RANBP2: variants seen among roughly 807,000 people sequenced by gnomAD.
RANBP2 encodes RAN binding protein 2.
A neutral mutation model predicts 303.6 loss-of-function variants in RANBP2; 57 were observed. That is an observed-to-expected ratio of 0.19 (90% CI 0.15 to 0.23). The LOEUF is 0.23. Ranked by LOEUF, RANBP2 falls within the 10% of genes least tolerant of loss-of-function variation. The pLI is 1.00. For missense variants in RANBP2, 3,138 were observed against 3,780.8 expected (o/e 0.83, Z 4.46); for synonymous variants, 1,167 against 1,301.5 (o/e 0.90, Z 2.23).
the RANBP2 span, among the ~76,000 whole-genome samples, chr2:109,689,518 A>G: frequency 6.6e-6 from 1 of 152,192 alleles, no homozygotes; most frequent in Non-Finnish European, 1.5e-5. Context: ...CAGGCATAGA[A>G]GAGCAGAGAG....
At chr2:108,923,967 T>A in the RANBP2 span, among the ~76,000 whole-genome samples, 5,312 of 152,324 alleles carry the variant, frequency 0.035, 312 homozygotes, top group African/African-American at 0.12. Context: ...AGAGTGCAGC[T>A]GCAGGAGACA....
chr2:109,735,433 A>G, the RANBP2 span, among the ~76,000 whole-genome samples: 2 of 152,252 alleles, frequency 1.3e-5, no homozygotes, highest in Admixed American at 6.5e-5. Flanking sequence ...TTGATATCAT[A>G]TCTTGGCCAT....
At chr2:108,819,541 A>C in the RANBP2 span, among the ~76,000 whole-genome samples, 118 of 152,308 alleles carry the variant, frequency 7.7e-4, no homozygotes, top group Non-Finnish European at 1.1e-3. Flanking sequence ...TCTGAGGGAC[A>C]CAGCGATTAT....
intron 24 of RANBP2, among the ~76,000 whole-genome samples, chr2:108,776,414 CAT>C (rs1223578821): frequency 2.0e-5 from 3 of 152,078 alleles, no homozygotes; most frequent in African/African-American, 4.8e-5. Context: ...GTTACAGTAA[CAT>C]ATTTGGTATT....
chr2:109,614,144 G>A, the RANBP2 span: 25 of 1,200,384 alleles, frequency 2.1e-5, no homozygotes, highest in South Asian at 8.6e-5. Flanking sequence ...CCAGGAAGAC[G>A]GCGCGAGGAA....
the RANBP2 span, among the ~76,000 whole-genome samples, chr2:109,316,504 T>C: frequency 4.6e-5 from 7 of 152,340 alleles, no homozygotes; most frequent in South Asian, 4.1e-4. Context: ...AGAGAACTTA[T>C]CACTCCTCTT....
At chr2:108,826,857 G>C in the RANBP2 span, among the ~76,000 whole-genome samples, 5 of 152,282 alleles carry the variant, frequency 3.3e-5, no homozygotes, top group South Asian at 1.0e-3. Flanking sequence ...TAACAACATT[G>C]TCTGCTAATC....
At chr2:109,658,669 G>A in the RANBP2 span, among the ~76,000 whole-genome samples, 2 of 152,192 alleles carry the variant, frequency 1.3e-5, no homozygotes, top group Non-Finnish European at 2.9e-5. Flanking sequence ...GCTCATGCCT[G>A]TAATCCCAGC....
the RANBP2 span, among the ~76,000 whole-genome samples, chr2:109,485,424 A>G: frequency 6.6e-6 from 1 of 152,244 alleles, no homozygotes; most frequent in Non-Finnish European, 1.5e-5. Flanking sequence ...ACAATTTTCC[A>G]TAACTTTTAA....
Position 108,782,017 on chromosome 2 carries a change from A to T in RANBP2, c.8761-111A>T, listed in dbSNP as rs539390493. On this transcript the variant is annotated intron_variant, in intron 26 of 28. Coordinates refer to ENST00000283195, the MANE Select transcript of RANBP2 (RefSeq NM_006267.5). Reference sequence around the variant, plus strand: ...ATATAACCAGTTATCACATTAACAAATTCTCTTTGTCATCACAAAGAAAAT... The same window carrying T: ...ATATAACCAGTTATCACATTAACAATTTCTCTTTGTCATCACAAAGAAAAT... 3.9e-6 allele frequency: 5 copies of T among 1,277,284 alleles called. No homozygotes were observed. The African/African-American group carries it at 7.5e-5, about 19-fold the overall frequency. The allele number at this position is 1,277,284 out of a possible 1,614,324, so 79.1% of individuals were successfully genotyped here.
the RANBP2 span, among the ~76,000 whole-genome samples, chr2:109,381,619 G>A: frequency 6.6e-6 from 1 of 151,848 alleles, no homozygotes; most frequent in Admixed American, 6.6e-5. Context: ...AGTAAGTTAG[G>A]CTGTGGCTCG....
the RANBP2 span, among the ~76,000 whole-genome samples, chr2:108,951,604 T>C: frequency 0.022 from 3,380 of 152,180 alleles, 129 homozygotes; most frequent in African/African-American, 0.078. Flanking sequence ...ATAAAGGTGA[T>C]ATGGTTTACA....
the RANBP2 span, among the ~76,000 whole-genome samples, chr2:109,341,680 C>T: frequency 6.6e-6 from 1 of 152,162 alleles, no homozygotes; most frequent in East Asian, 1.9e-4. Flanking sequence ...CCCCTTTGCT[C>T]TGGGCATAAT....
At chr2:109,378,563 GT>G in the RANBP2 span, among the ~76,000 whole-genome samples, 1 of 152,190 alleles carries the variant, frequency 6.6e-6, no homozygotes, top group African/African-American at 2.4e-5. Context: ...GAATTTTACT[GT>G]TTGAGGTATT....
chr2:109,335,297 G>A, the RANBP2 span, among the ~76,000 whole-genome samples: 1 of 152,192 alleles, frequency 6.6e-6, no homozygotes, highest in African/African-American at 2.4e-5. Context: ...TTTCTCAGGT[G>A]TCTCTTTATC....
At chr2:108,966,984 G>A in the RANBP2 span, among the ~76,000 whole-genome samples, 1 of 152,226 alleles carries the variant, frequency 6.6e-6, no homozygotes, top group East Asian at 1.9e-4. Context: ...GCCCAGGCTG[G>A]AGTGCTGTGG....
At chr2:108,814,445 C>A in the RANBP2 span, among the ~76,000 whole-genome samples, 1 of 151,738 alleles carries the variant, frequency 6.6e-6, no homozygotes, top group African/African-American at 2.4e-5. Context: ...TGAAGATAAT[C>A]GAAGTTTTCA....
chr2:108,962,674 CAAAAAAAAAA>C, the RANBP2 span, among the ~76,000 whole-genome samples: 9 of 66,886 alleles, frequency 1.3e-4, no homozygotes, highest in East Asian at 2.7e-3. Context: ...GACTCTGTCT[CAAAAAAAAAA>C]AAAAAAAAAA....
intron 2 of RANBP2, among the ~76,000 whole-genome samples, chr2:108,729,643 A>T (rs1216736316): frequency 6.6e-6 from 1 of 152,056 alleles, no homozygotes; most frequent in African/African-American, 2.4e-5. Flanking sequence ...GCTCTATCCT[A>T]GGGATAAGAA....
Sources: allele counts gnomAD v4.1 joint callset (sites outside exome capture counted in the v4.1 genomes callset), GRCh38; gene constraint gnomAD v4.1.1; transcripts MANE v1.5; gene names NCBI Gene and HGNC (gene_info 2026-07-23, HGNC 2026-07-21).